The following STXBP5L variants were observed in gnomAD, a reference collection of about 807,000 sequenced individuals.
The protein encoded by STXBP5L is syntaxin-binding protein 5-like.
In STXBP5L, 65 loss-of-function variants were observed where a neutral mutation model predicts 144.5. That is an observed-to-expected ratio of 0.45 (90% CI 0.37 to 0.55). STXBP5L has a LOEUF of 0.55. STXBP5L is among the 20% of genes least tolerant of loss of function. The pLI is 0.00. For missense variants in STXBP5L, 1,298 were observed against 1,405.5 expected, an observed-to-expected ratio of 0.92 and a Z score of 1.22; for synonymous variants, 505 against 469.6, an observed-to-expected ratio of 1.08 and a Z score of -0.97.
chr3:121,327,034 C>A (rs182609415), intron 20 of STXBP5L, among the ~76,000 whole-genome samples: 209 of 152,196 alleles, frequency 1.4e-3, no homozygotes, highest in African/African-American at 4.8e-3. Flanking sequence ...CAGGATTTAA[C>A]CTGTTCCTAA....
At chr3:120,978,659 TC>T (rs1941378389) in intron 3 of STXBP5L, among the ~76,000 whole-genome samples, 1 of 130,224 alleles carries the variant, frequency 7.7e-6, no homozygotes, top group South Asian at 2.3e-4. Flanking sequence ...CTCTGATTTT[TC>T]CCCATCTTTG....
At chr3:120,969,322 G>T (rs1576519593) in intron 3 of STXBP5L, among the ~76,000 whole-genome samples, 1 of 149,046 alleles carries the variant, frequency 6.7e-6, no homozygotes, top group Middle Eastern at 3.4e-3. Flanking sequence ...TCATATGTTT[G>T]TTGGTTGGTT....
intron 3 of STXBP5L, among the ~76,000 whole-genome samples, chr3:120,980,401 A>T: frequency 6.7e-6 from 1 of 149,910 alleles, no homozygotes; most frequent in Non-Finnish European, 1.5e-5. Flanking sequence ...TGCTCTATGT[A>T]TATAGAATTG....
intron 3 of STXBP5L, among the ~76,000 whole-genome samples, chr3:120,994,434 T>C (rs375966526): frequency 6.6e-6 from 1 of 152,168 alleles, no homozygotes; most frequent in African/African-American, 2.4e-5. Context: ...TTATCATATA[T>C]GACCTTTTTC....
intron 5 of STXBP5L, among the ~76,000 whole-genome samples, chr3:121,074,881 C>T (rs2041958032): frequency 6.6e-6 from 1 of 152,176 alleles, no homozygotes; most frequent in South Asian, 2.1e-4. Context: ...GTCCTCCAAT[C>T]ACACATCTTG....
chr3:121,096,735 A>G (rs1372853909), intron 5 of STXBP5L, among the ~76,000 whole-genome samples: 4 of 152,046 alleles, frequency 2.6e-5, no homozygotes, highest in Non-Finnish European at 5.9e-5. Context: ...CCAGAGGGGA[A>G]CCTACCAGTT....
chr3:121,387,602 C>T (rs930899023), intron 22 of STXBP5L, among the ~76,000 whole-genome samples: 71 of 152,326 alleles, frequency 4.7e-4, no homozygotes, highest in African/African-American at 1.6e-3. Flanking sequence ...GGAAAGGATT[C>T]AGTTTCAGCT....
At chr3:121,095,520 C>G (rs1339367162) in intron 5 of STXBP5L, among the ~76,000 whole-genome samples, 1 of 152,156 alleles carries the variant, frequency 6.6e-6, no homozygotes, top group South Asian at 2.1e-4. Flanking sequence ...TCTCTTCTCG[C>G]TTCATTTCAT....
At chr3:120,989,320 A>T (rs1942605895) in intron 3 of STXBP5L, among the ~76,000 whole-genome samples, 1 of 152,144 alleles carries the variant, frequency 6.6e-6, no homozygotes, top group Non-Finnish European at 1.5e-5. Context: ...TTTAAATAAT[A>T]GCCATTCTGA....
chr3:121,411,058 G>A (rs981948218), intron 23 of STXBP5L, among the ~76,000 whole-genome samples: 3 of 152,020 alleles, frequency 2.0e-5, no homozygotes, highest in African/African-American at 7.2e-5. Flanking sequence ...ATCTTAAGGA[G>A]CTTAGTTACC....
At chr3:121,177,457 A>G (rs2046979410) in intron 9 of STXBP5L, among the ~76,000 whole-genome samples, 1 of 152,192 alleles carries the variant, frequency 6.6e-6, no homozygotes. Context: ...GCCAATTTGA[A>G]TGGACATTTC....
At chr3:121,087,816 T>G (rs2042571059) in intron 5 of STXBP5L, among the ~76,000 whole-genome samples, 1 of 152,090 alleles carries the variant, frequency 6.6e-6, no homozygotes, top group East Asian at 1.9e-4. Context: ...TTAGTTAATT[T>G]TAGTGTATTT....
chr3:121,052,250 G>A (rs557997326), intron 5 of STXBP5L, among the ~76,000 whole-genome samples: 189 of 150,802 alleles, frequency 1.3e-3, no homozygotes, highest in Middle Eastern at 3.4e-3. Flanking sequence ...CATCATCCTG[G>A]CATCCAGGCT....
At chr3:121,091,843 C>T (rs904751554) in intron 5 of STXBP5L, among the ~76,000 whole-genome samples, 23 of 152,230 alleles carry the variant, frequency 1.5e-4, no homozygotes, top group Admixed American at 1.2e-3. Context: ...GACATGAAGT[C>T]CTTGCCCATG....
chr3:121,004,416 G>T (rs1192062411), intron 3 of STXBP5L, among the ~76,000 whole-genome samples: 1 of 151,850 alleles, frequency 6.6e-6, no homozygotes, highest in East Asian at 1.9e-4. Flanking sequence ...CTGAGACTTT[G>T]CTGAAGTTGC....
intron 19 of STXBP5L, among the ~76,000 whole-genome samples, chr3:121,300,967 A>C (rs1337991023): frequency 6.6e-6 from 1 of 152,216 alleles, no homozygotes; most frequent in Non-Finnish European, 1.5e-5. Flanking sequence ...GCATAGTTCG[A>C]AGTCAGGTAG....
intron 2 of STXBP5L, among the ~76,000 whole-genome samples, chr3:120,944,388 A>G (rs1456344620): frequency 6.6e-6 from 1 of 151,738 alleles, no homozygotes; most frequent in Non-Finnish European, 1.5e-5. Flanking sequence ...AACTATGTGC[A>G]TGATAGACTA....
chr3:120,929,978 A>G (rs1559881598), intron 2 of STXBP5L, among the ~76,000 whole-genome samples: 1 of 151,666 alleles, frequency 6.6e-6, no homozygotes, highest in African/African-American at 2.4e-5. Flanking sequence ...TAATATATTA[A>G]ATTGATCAAT....
intron 2 of STXBP5L, among the ~76,000 whole-genome samples, chr3:120,932,800 A>C (rs1195785438): frequency 1.3e-5 from 2 of 152,096 alleles, no homozygotes; most frequent in Non-Finnish European, 2.9e-5. Context: ...ACCAACCCAA[A>C]TGTCCAACAA....
Sources: gnomAD v4.1 joint callset for allele counts (sites outside exome capture counted in the v4.1 genomes callset) on GRCh38, gnomAD v4.1.1 for gene constraint, MANE v1.5 for transcripts, NCBI Gene and HGNC (gene_info 2026-07-23, HGNC 2026-07-21) for gene names.